Variants in NAALADL2 observed in about 807,000 individuals in gnomAD.
NAALADL2 encodes inactive N-acetylated-alpha-linked acidic dipeptidase-like protein 2.
In NAALADL2, 76 loss-of-function variants were observed where a neutral mutation model predicts 87.2. That is an observed-to-expected ratio of 0.87 (90% confidence interval 0.72 to 1.05). The LOEUF is 1.05. Ranked by LOEUF, NAALADL2 falls within the 50% of genes least tolerant of loss-of-function variation. The pLI is 0.00. For missense variants in NAALADL2, 1,089 were observed against 945.8 expected (o/e 1.15, Z -1.99); for synonymous variants, 354 against 331.0 (o/e 1.07, Z -0.75).
intron 13 of NAALADL2, among the ~76,000 whole-genome samples, chr3:175,798,296 GT>G (rs908729332): frequency 2.7e-5 from 4 of 148,940 alleles, no homozygotes; most frequent in African/African-American, 5.0e-5. Flanking sequence ...CAAAATGAAG[GT>G]TTTTTTAAAT....
intron 2 of NAALADL2, among the ~76,000 whole-genome samples, chr3:174,729,212 A>C (rs1732473905): frequency 1.3e-5 from 2 of 152,040 alleles, no homozygotes. Flanking sequence ...TACCATGAAC[A>C]CTGGTGGCCA....
intron 1 of NAALADL2, among the ~76,000 whole-genome samples, chr3:175,001,789 G>A (rs1748268424): frequency 6.6e-6 from 1 of 152,102 alleles, no homozygotes; most frequent in South Asian, 2.1e-4. Context: ...AGTACAGGTT[G>A]AGCATCCTAA....
chr3:174,812,652 A>C (rs1052000558), intron 3 of NAALADL2, among the ~76,000 whole-genome samples: 2 of 152,110 alleles, frequency 1.3e-5, no homozygotes, highest in Non-Finnish European at 2.9e-5. Context: ...TAACAGGTCC[A>C]TGCATGCTAT....
Position 175,803,084 on chromosome 3 carries a change from G to A in NAALADL2, c.2269G>A (p.Ala757Thr). Residue 757 changes from alanine to threonine, a missense_variant, in exon 14 of 14, where the codon GCA becomes ACA. Ala to Thr is a moderately conservative substitution (Grantham distance 58). Transcript: ENST00000454872. ...GGCTTGGGAACACTGCAAACCCCTT[G>A]CATCAAATGAGACCCTTCAAGAAGC... The part of the protein sequence containing the change: ...IEAWEHCKPL[A>T]SNETLQEALS... The A allele has an allele frequency of 1.9e-6, 3 of 1,612,392 alleles. No individual in the cohort carries two copies. Among genetic ancestry groups the A allele is most frequent in the Non-Finnish European group, 2.5e-6 (3 of 1,178,960 alleles).
chr3:175,200,733 A>G (rs1739896232), intron 2 of NAALADL2, among the ~76,000 whole-genome samples: 5 of 152,142 alleles, frequency 3.3e-5, no homozygotes, highest in Admixed American at 2.6e-4. Flanking sequence ...GGGCTTTAAC[A>G]TTCCTTACCC....
intron 5 of NAALADL2, among the ~76,000 whole-genome samples, chr3:175,427,848 T>C (rs1717085162): frequency 6.6e-6 from 1 of 152,194 alleles, no homozygotes; most frequent in South Asian, 2.1e-4. Flanking sequence ...AGGTTCTTCA[T>C]GCTGCTGGAA....
chr3:175,745,869 A>C (rs909671845), intron 12 of NAALADL2, among the ~76,000 whole-genome samples: 2 of 152,318 alleles, frequency 1.3e-5, no homozygotes, highest in Middle Eastern at 3.4e-3. Context: ...TAAAACAATT[A>C]ATGTCTGCGT....
At chr3:175,727,532 A>G (rs1488238576) in intron 11 of NAALADL2, among the ~76,000 whole-genome samples, 1 of 152,200 alleles carries the variant, frequency 6.6e-6, no homozygotes, top group Non-Finnish European at 1.5e-5. Flanking sequence ...TTGCCCTATC[A>G]GAGGCTATTG....
At chr3:175,095,180 C>A (rs1258250445) in intron 1 of NAALADL2, among the ~76,000 whole-genome samples, 1 of 151,894 alleles carries the variant, frequency 6.6e-6, no homozygotes, top group African/African-American at 2.4e-5. Context: ...GTAAATTTTC[C>A]CCTTCCTGGG....
chr3:174,473,897 G>A (rs1717057713), intron 1 of NAALADL2, among the ~76,000 whole-genome samples: 1 of 152,116 alleles, frequency 6.6e-6, no homozygotes, highest in East Asian at 1.9e-4. Flanking sequence ...CTGATTCACA[G>A]TTCTGTGTGG....
At chr3:175,186,796 T>A (rs2109025610) in intron 2 of NAALADL2, among the ~76,000 whole-genome samples, 1 of 152,236 alleles carries the variant, frequency 6.6e-6, no homozygotes. Flanking sequence ...CTCTTCCATC[T>A]CAGTAGGTGG....
intron 1 of NAALADL2, among the ~76,000 whole-genome samples, chr3:174,445,060 T>G (rs1714949563): frequency 6.6e-6 from 1 of 151,954 alleles, no homozygotes; most frequent in Non-Finnish European, 1.5e-5. Context: ...TCTTGAATTC[T>G]TACTATAAAA....
At chr3:175,316,765 C>T (rs79545179) in intron 4 of NAALADL2, among the ~76,000 whole-genome samples, 265 of 152,262 alleles carry the variant, frequency 1.7e-3, no homozygotes, top group African/African-American at 6.2e-3. Context: ...TTTTAGACAA[C>T]CCCAACCTCA....
chr3:175,283,041 A>T (rs1044912757), intron 4 of NAALADL2, among the ~76,000 whole-genome samples: 6 of 152,010 alleles, frequency 3.9e-5, no homozygotes, highest in African/African-American at 1.4e-4. Context: ...TGAAAAAATC[A>T]GGACCATATA....
chr3:174,513,050 C>T (rs1191849523), intron 1 of NAALADL2, among the ~76,000 whole-genome samples: 1 of 151,902 alleles, frequency 6.6e-6, no homozygotes, highest in Non-Finnish European at 1.5e-5. Context: ...CAACCTCTGC[C>T]TCCCGGGTTC....
At chr3:175,727,072 T>C (rs764341050) in intron 11 of NAALADL2, among the ~76,000 whole-genome samples, 1 of 152,172 alleles carries the variant, frequency 6.6e-6, no homozygotes, top group African/African-American at 2.4e-5. Context: ...TATGTCTTCT[T>C]TCTTTGCTTC....
intron 1 of NAALADL2, among the ~76,000 whole-genome samples, chr3:174,464,886 A>G (rs1475619965): frequency 6.6e-6 from 1 of 152,026 alleles, no homozygotes; most frequent in Non-Finnish European, 1.5e-5. Context: ...TCCTTCCTCT[A>G]ATAATTAGAA....
chr3:175,786,676 G>T (rs536009902), intron 13 of NAALADL2, among the ~76,000 whole-genome samples: 1 of 152,000 alleles, frequency 6.6e-6, no homozygotes, highest in Non-Finnish European at 1.5e-5. Flanking sequence ...TAATTTGATC[G>T]TCTGAAGCCT....
At chr3:174,793,759 G>A (rs2140285) in intron 3 of NAALADL2, among the ~76,000 whole-genome samples, 112,823 of 151,704 alleles carry the variant, frequency 0.74, 42,489 homozygotes, top group African/African-American at 0.88. Flanking sequence ...CTATCAACCA[G>A]GTACTGTTTA....
Sources: gnomAD v4.1 joint callset for allele counts (sites outside exome capture counted in the v4.1 genomes callset) on GRCh38, gnomAD v4.1.1 for gene constraint, MANE v1.5 for transcripts, NCBI Gene and HGNC (gene_info 2026-07-23, HGNC 2026-07-21) for gene names.